EBF1: variants seen among roughly 807,000 people sequenced by gnomAD.
EBF1 encodes the protein EBF transcription factor 1.
A neutral mutation model predicts 68.4 loss-of-function variants in EBF1; 10 were observed. The ratio of observed to expected loss-of-function variants is 0.15; its 90% confidence interval spans 0.09 to 0.25. The LOEUF is 0.25. Among genes scored for constraint, EBF1 ranks in the 10% least tolerant of loss-of-function variants. EBF1 has a pLI of 1.00. For synonymous variants in EBF1, 298 were observed against 299.8 expected (o/e 0.99, Z 0.06); for missense variants, 509 against 794.4 (o/e 0.64, Z 4.32).
chr5:158,909,862 G>A (rs760118544), intron 6 of EBF1, among the ~76,000 whole-genome samples: 1 of 150,548 alleles, frequency 6.6e-6, no homozygotes, highest in Non-Finnish European at 1.5e-5. Context: ...ACTCGAACCA[G>A]GGAGGCAGAG....
intron 8 of EBF1, among the ~76,000 whole-genome samples, chr5:158,816,253 G>C (rs1180333554): frequency 6.6e-6 from 1 of 152,216 alleles, no homozygotes; most frequent in African/African-American, 2.4e-5. Flanking sequence ...ATTCTTCTCA[G>C]CATCCTGGGA....
chr5:158,943,536 A>G (rs1813949925), intron 6 of EBF1, among the ~76,000 whole-genome samples: 1 of 152,224 alleles, frequency 6.6e-6, no homozygotes, highest in South Asian at 2.1e-4. Flanking sequence ...ATCTCCCCAG[A>G]AAAGCTTCTA....
chr5:158,877,697 A>AATGC (rs1554174643), intron 6 of EBF1, among the ~76,000 whole-genome samples: 5 of 113,892 alleles, frequency 4.4e-5, no homozygotes, highest in Non-Finnish European at 8.5e-5. Context: ...AAATACTACA[A>AATGC]ACGCACACAC....
intron 9 of EBF1, among the ~76,000 whole-genome samples, chr5:158,780,249 C>T (rs1320220630): frequency 1.3e-5 from 2 of 152,040 alleles, no homozygotes; most frequent in Non-Finnish European, 2.9e-5. Context: ...CTGGTGGCTC[C>T]GAAAATTGAC....
intron 14 of EBF1, among the ~76,000 whole-genome samples, chr5:158,711,259 AT>A (rs972728139): frequency 2.2e-4 from 34 of 151,456 alleles, no homozygotes; most frequent in African/African-American, 6.1e-4. Context: ...GGAATGTCTT[AT>A]TTTTTTTTAT....
At chr5:158,746,674 C>T (rs1162089733) in intron 10 of EBF1, among the ~76,000 whole-genome samples, 1 of 152,186 alleles carries the variant, frequency 6.6e-6, no homozygotes, top group Non-Finnish European at 1.5e-5. Flanking sequence ...TCCTTCTATA[C>T]TCTCTCTATA....
intron 6 of EBF1, among the ~76,000 whole-genome samples, chr5:158,942,358 C>T (rs535161749): frequency 6.6e-6 from 1 of 152,348 alleles, no homozygotes; most frequent in African/African-American, 2.4e-5. Flanking sequence ...AGTTCTATCA[C>T]TGACTCATCA....
intron 15 of EBF1, among the ~76,000 whole-genome samples, chr5:158,701,423 A>G (rs1384295316): frequency 1.3e-5 from 2 of 152,050 alleles, no homozygotes; most frequent in Non-Finnish European, 2.9e-5. Flanking sequence ...GATCAACTAG[A>G]TTAAGCCTCC....
At chr5:158,981,940 A>T (rs1235354171) in intron 6 of EBF1, among the ~76,000 whole-genome samples, 2 of 152,224 alleles carry the variant, frequency 1.3e-5, no homozygotes, top group African/African-American at 4.8e-5. Flanking sequence ...TAACATACAG[A>T]TCTGAGACTT....
intron 10 of EBF1, among the ~76,000 whole-genome samples, chr5:158,736,722 T>C (rs567344249): frequency 9.8e-5 from 15 of 152,308 alleles, no homozygotes; most frequent in African/African-American, 1.4e-4. Flanking sequence ...ATGAGAGTTA[T>C]TACATATGTG....
chr5:158,815,407 A>C (rs1160012436), intron 8 of EBF1, among the ~76,000 whole-genome samples: 1 of 152,190 alleles, frequency 6.6e-6, no homozygotes, highest in Admixed American at 6.5e-5. Flanking sequence ...TAAAATGGTG[A>C]TAATAATTAT....
intron 5 of EBF1, among the ~76,000 whole-genome samples, chr5:159,079,145 CCT>C (rs1377545475): frequency 2.6e-5 from 4 of 152,062 alleles, no homozygotes; most frequent in African/African-American, 9.7e-5. Flanking sequence ...GCTCTTCTAT[CCT>C]CTCTCTTCCT....
At chr5:158,706,239 G>A (rs1402106236) in intron 15 of EBF1, among the ~76,000 whole-genome samples, 2 of 150,072 alleles carry the variant, frequency 1.3e-5, no homozygotes, top group Non-Finnish European at 3.0e-5. Context: ...ATTTGCCACT[G>A]TATGTTAGAG....
In EBF1 at chr5:159,095,627, G is replaced by A. The variant is rs758337151; in HGVS notation, c.404C>T (p.Thr135Ile). The change falls in exon 4 of 16, where the codon ACA becomes ATA. Residue 135 changes from threonine (T) to isoleucine (I), a missense_variant. Physicochemically the swap from Thr to Ile is moderately conservative, Grantham distance 89. This residue lies in a region of EBF1 where 230 missense variants were observed against 467.7 expected (regional missense o/e 0.49). Coordinates refer to ENST00000313708, the MANE Select transcript of EBF1 (RefSeq NM_024007.5). The part of the protein sequence containing the change: ...DFYVRLIDSM[T>I]KQAIVYEGQD... ...CAAAATCAAGAAACTTACTTGTTTT[G>A]TCATGGAGTCAATGAGGCGCACGTA... The A allele has an allele frequency of 6.2e-7, 1 of 1,613,960 alleles. No homozygotes were observed. Among genetic ancestry groups the A allele is most frequent in the South Asian group, 1.1e-5 (1 of 91,070 alleles).
At chr5:158,942,870 A>C (rs1235307517) in intron 6 of EBF1, among the ~76,000 whole-genome samples, 5 of 139,882 alleles carry the variant, frequency 3.6e-5, no homozygotes, top group African/African-American at 1.3e-4. Flanking sequence ...AGGGGGAAGA[A>C]GGGAGGGGAG....
intron 10 of EBF1, among the ~76,000 whole-genome samples, chr5:158,748,671 C>T (rs1768114380): frequency 6.6e-6 from 1 of 152,170 alleles, no homozygotes; most frequent in Non-Finnish European, 1.5e-5. Context: ...TGCTCATCTT[C>T]ACAACCAAAC....
chr5:158,948,834 C>T lies in EBF1; in HGVS notation c.555-108724G>A, dbSNP rs541251900. Among the ~76,000 whole-genome samples, 7 of 152,296 alleles carry T rather than the reference C, an allele frequency of 4.6e-5. No individual in the cohort carries two copies. The South Asian group carries it at 1.2e-3, about 27-fold the overall frequency. ...ATGTCATGTCTGAATACGCTTCAGC[C>T]GGACCTTCCTCCCCTACTTCATTCC... On this transcript the variant is annotated intron_variant, in intron 6 of 15. Transcript: ENST00000313708.
chr5:158,852,565 T>C (rs1305326682), intron 6 of EBF1, among the ~76,000 whole-genome samples: 1 of 152,198 alleles, frequency 6.6e-6, no homozygotes, highest in Non-Finnish European at 1.5e-5. Context: ...CCAGCGAGCA[T>C]CATGCCCACA....
At chr5:158,888,659 G>A (rs1196034438) in intron 6 of EBF1, among the ~76,000 whole-genome samples, 1 of 152,036 alleles carries the variant, frequency 6.6e-6, no homozygotes, top group Non-Finnish European at 1.5e-5. Context: ...TTTGAATAGA[G>A]GAGAAGTCTG....
Sources: allele counts gnomAD v4.1 joint callset (sites outside exome capture counted in the v4.1 genomes callset), GRCh38; gene constraint gnomAD v4.1.1; regional missense constraint gnomAD v4.1.1; transcripts MANE v1.5; gene names NCBI Gene and HGNC (gene_info 2026-07-23, HGNC 2026-07-21).